Variants in SH3KBP1 observed in about 807,000 individuals in gnomAD.
The protein encoded by SH3KBP1 is SH3 domain-containing kinase-binding protein 1.
In SH3KBP1, 8 loss-of-function variants were observed where a neutral mutation model predicts 50.1. That is an observed-to-expected ratio of 0.16 (90% CI 0.09 to 0.29). The LOEUF (loss-of-function observed/expected upper bound fraction) is 0.29, where lower values mean the gene tolerates loss of function less well. Ranked by LOEUF, SH3KBP1 falls within the 10% of genes least tolerant of loss-of-function variation. The pLI is 1.00. For missense variants in SH3KBP1, 377 were observed against 535.2 expected (o/e 0.70, Z 2.92); for synonymous variants, 227 against 218.6 (o/e 1.04, Z -0.34).
chrX:19,634,943 T>G (rs752565894), intron 7 of SH3KBP1, among the ~76,000 whole-genome samples: 1 of 111,184 alleles, frequency 9.0e-6, no homozygotes, highest in South Asian at 3.8e-4. Flanking sequence ...CAAAGACATG[T>G]CAGTGAAGCT....
At chrX:19,599,817 A>G (rs1053826736) in intron 9 of SH3KBP1, among the ~76,000 whole-genome samples, 1 of 111,656 alleles carries the variant, frequency 9.0e-6, no homozygotes, top group South Asian at 3.7e-4. Flanking sequence ...AAAATGATTC[A>G]TAAAGTATTG....
intron 13 of SH3KBP1, among the ~76,000 whole-genome samples, chrX:19,555,968 C>G (rs933422762): frequency 8.9e-6 from 1 of 112,141 alleles, no homozygotes; most frequent in African/African-American, 3.2e-5. Context: ...CTGCCTCCCC[C>G]ACCAGCCAGG....
intron 1 of SH3KBP1, among the ~76,000 whole-genome samples, chrX:19,875,683 A>T (rs1266274635): frequency 8.9e-6 from 1 of 112,594 alleles, no homozygotes; most frequent in Admixed American, 9.4e-5. Flanking sequence ...TGGAGGGTGG[A>T]GGTGGGAGGA....
rs1430070590 is a variant in SH3KBP1 at position 19,667,718 on chromosome X, T to C, written c.726+16105A>G. On this transcript the variant is annotated intron_variant, in intron 6 of 17. Coordinates refer to ENST00000397821, the MANE Select transcript of SH3KBP1 (RefSeq NM_031892.3). The stretch of plus-strand genomic sequence containing the variant: ...AACAATAAAAAACCAATTCCACATA[T>C]CTGCAAGAGTGCATATAACTTTTAT... Among the ~76,000 whole-genome samples, 3 of 110,430 alleles carry C rather than the reference T, an allele frequency of 2.7e-5. No homozygotes were observed. The East Asian group carries it at 8.5e-4, about 31-fold the overall frequency.
At chrX:19,840,687 T>C (rs960858275) in intron 1 of SH3KBP1, among the ~76,000 whole-genome samples, 6 of 112,372 alleles carry the variant, frequency 5.3e-5, no homozygotes, top group Non-Finnish European at 1.1e-4. Context: ...GATGAAACAT[T>C]ACCTATGATT....
At chrX:19,611,684 C>T (rs909834347) in intron 8 of SH3KBP1, among the ~76,000 whole-genome samples, 2 of 111,159 alleles carry the variant, frequency 1.8e-5, no homozygotes, top group Non-Finnish European at 3.8e-5. Flanking sequence ...TACACCCCTA[C>T]GGGAGAAAAT....
chrX:19,860,596 C>T (rs914273780), intron 1 of SH3KBP1, among the ~76,000 whole-genome samples: 3 of 111,811 alleles, frequency 2.7e-5, no homozygotes, highest in Non-Finnish European at 3.8e-5. Flanking sequence ...ACACTTAAAA[C>T]GGTTAAAATC....
intron 4 of SH3KBP1, among the ~76,000 whole-genome samples, chrX:19,704,549 T>C (rs2063610249): frequency 1.8e-5 from 2 of 112,766 alleles, no homozygotes; most frequent in South Asian, 7.2e-4. Context: ...GGTTTTATCC[T>C]AGTGTATGCA....
chrX:19,692,689 A>ATATTTT (rs1556257878), intron 5 of SH3KBP1, among the ~76,000 whole-genome samples: 1 of 75,085 alleles, frequency 1.3e-5, no homozygotes, highest in African/African-American at 5.5e-5. Context: ...ATATATATAT[A>ATATTTT]TTTTTTTTTT....
chrX:19,669,325 AATT>A (rs1556163052), intron 6 of SH3KBP1, among the ~76,000 whole-genome samples: 13 of 102,539 alleles, frequency 1.3e-4, no homozygotes, highest in African/African-American at 1.8e-4. Context: ...TAATAATAAT[AATT>A]ATTATTATTA....
At chrX:19,792,357 T>C (rs1253524477) in intron 2 of SH3KBP1, among the ~76,000 whole-genome samples, 1 of 111,545 alleles carries the variant, frequency 9.0e-6, no homozygotes. Context: ...ATATGAACCA[T>C]GGTTATCTCG....
intron 5 of SH3KBP1, among the ~76,000 whole-genome samples, chrX:19,694,813 T>C (rs867126264): frequency 2.7e-5 from 3 of 111,868 alleles, no homozygotes; most frequent in Non-Finnish European, 5.6e-5. Context: ...TAAGAATGAT[T>C]TGGGCAGGAC....
chrX:19,788,858 G>C (rs967543435), intron 2 of SH3KBP1, among the ~76,000 whole-genome samples: 1 of 112,107 alleles, frequency 8.9e-6, no homozygotes, highest in Admixed American at 9.4e-5. Flanking sequence ...AGGCACGGTG[G>C]CTCACGCCTG....
chrX:19,622,757 C>T (rs1307458931), intron 8 of SH3KBP1, among the ~76,000 whole-genome samples: 2 of 112,079 alleles, frequency 1.8e-5, no homozygotes, highest in African/African-American at 3.2e-5. Flanking sequence ...AGAGGATTGT[C>T]GAGGGCCAGG....
intron 2 of SH3KBP1, among the ~76,000 whole-genome samples, chrX:19,810,870 A>G (rs2067185482): frequency 8.9e-6 from 1 of 112,457 alleles, no homozygotes; most frequent in South Asian, 3.6e-4. Context: ...CAAAGAGATC[A>G]GCTGTCATGT....
intron 3 of SH3KBP1, among the ~76,000 whole-genome samples, chrX:19,733,954 G>C (rs1222308339): frequency 8.9e-6 from 1 of 112,069 alleles, no homozygotes; most frequent in Non-Finnish European, 1.9e-5. Flanking sequence ...ATTTGATAAT[G>C]AATCCAAGTA....
At chrX:19,814,419 C>T (rs769350912) in intron 2 of SH3KBP1, among the ~76,000 whole-genome samples, 97 of 111,200 alleles carry the variant, frequency 8.7e-4, no homozygotes, top group Non-Finnish European at 1.5e-3. Flanking sequence ...TCACAAGTCA[C>T]AAGGCCCTCC....
rs762415271 is a variant in SH3KBP1, at chrX:19,535,200, C to T, written c.*1217G>A. Reference sequence around the variant, plus strand: ...TACAAAGATAAAGCGGACAGGCAAACATCAGTTTCCTTGGGAAAGAAAAAG... The same window carrying T: ...TACAAAGATAAAGCGGACAGGCAAATATCAGTTTCCTTGGGAAAGAAAAAG... On this transcript the variant is annotated 3_prime_UTR_variant, in exon 18 of 18. Transcript: ENST00000397821. 3 of 259,979 alleles carry T rather than the reference C, an allele frequency of 1.2e-5. No individual in the cohort carries two copies. The highest frequency in any genetic ancestry group is 1.4e-5 in the Non-Finnish European group (2 of 148,054). 21.4% of individuals were successfully genotyped at this position (259,979 alleles called of 1,213,427 possible).
Position 19,856,951 on chromosome X carries a change from C to CTTTTTTTTTTTTTTTT in SH3KBP1, c.5-20685_5-20670dup, listed in dbSNP as rs758486199. 9.5e-4 allele frequency among the ~76,000 whole-genome samples: 19 copies of CTTTTTTTTTTTTTTTT among 20,051 alleles called. 6 individuals carry two copies. Among genetic ancestry groups the CTTTTTTTTTTTTTTTT allele is most frequent in the Non-Finnish European group, 1.2e-3 (12 of 10,017 alleles). The allele number at this position is 20,051 out of a possible 115,157, so 17.4% of individuals were successfully genotyped here. A position where few individuals can be genotyped will look rare whatever the true frequency, so the allele number is the denominator to read the frequency against. Reference sequence around the variant, plus strand: ...CTTTTCCCCTAGAGCTAATACTAGTCTTTTTTTTTTTTTTTTTTTTTTTTT... The same window carrying CTTTTTTTTTTTTTTTT: ...CTTTTCCCCTAGAGCTAATACTAGTCTTTTTTTTTTTTTTTTTTTTTTTTTTTTTTTTTTTTTTTTT... On this transcript the variant is annotated intron_variant, in intron 1 of 17. Coordinates refer to ENST00000397821, the MANE Select transcript of SH3KBP1 (RefSeq NM_031892.3).
Sources: gnomAD v4.1 joint callset for allele counts (sites outside exome capture counted in the v4.1 genomes callset) on GRCh38, gnomAD v4.1.1 for gene constraint, MANE v1.5 for transcripts, NCBI Gene and HGNC (gene_info 2026-07-23, HGNC 2026-07-21) for gene names.